The following LIPI variants were observed in gnomAD, a reference collection of about 807,000 sequenced individuals.
The protein encoded by LIPI is lipase member I.
A neutral mutation model predicts 50.6 loss-of-function variants in LIPI; 59 were observed. The ratio of observed to expected loss-of-function variants is 1.16; its 90% CI spans 0.94 to 1.45. The LOEUF (loss-of-function observed/expected upper bound fraction) is 1.45. Among genes scored for constraint, LIPI ranks in the 40% most tolerant of loss-of-function variants. The probability of loss-of-function intolerance (pLI) is 0.00; values close to 1 mark genes in which losing one functional copy is unlikely to be tolerated. For missense variants in LIPI, 586 were observed against 536.3 expected, an observed-to-expected ratio of 1.09 and a Z score of -0.92; for synonymous variants, 203 against 178.2, an observed-to-expected ratio of 1.14 and a Z score of -1.11.
At chr21:14,131,927 AG>A in intron 9 of LIPI, among the ~76,000 whole-genome samples, 1 of 152,340 alleles carries the variant, frequency 6.6e-6, no homozygotes, top group Admixed American at 6.5e-5. Context: ...TACATCCAAA[AG>A]CTTCAATAAG....
intron 1 of LIPI, among the ~76,000 whole-genome samples, chr21:14,194,871 T>G (rs1458688859): frequency 1.3e-5 from 2 of 152,164 alleles, no homozygotes; most frequent in Non-Finnish European, 2.9e-5. Context: ...AGAATCCAAT[T>G]CCTGTCATTA....
At chr21:14,184,088 A>T (rs1312501246) in intron 3 of LIPI, among the ~76,000 whole-genome samples, 1 of 152,230 alleles carries the variant, frequency 6.6e-6, no homozygotes, top group Non-Finnish European at 1.5e-5. Context: ...AATGTCCAAC[A>T]ACGATAGACC....
intron 1 of LIPI, among the ~76,000 whole-genome samples, chr21:14,193,370 A>ACTAAT (rs2019741100): frequency 6.6e-6 from 1 of 152,134 alleles, no homozygotes; most frequent in Non-Finnish European, 1.5e-5. Context: ...AACTAATAAC[A>ACTAAT]AAGTGGTAAA....
In LIPI at chr21:14,167,590, T is replaced by C. The variant is rs148486682; in HGVS notation, c.644-1139A>G. Among the ~76,000 whole-genome samples, 315 of 152,336 alleles carry C rather than the reference T, an allele frequency of 2.1e-3. 1 individual carries two copies. The highest frequency in any genetic ancestry group is 7.4e-3 in the African/African-American group (307 of 41,576). On this transcript the variant is annotated intron_variant, in intron 4 of 9. Transcript: ENST00000681601. The stretch of plus-strand genomic sequence containing the variant: ...ACTGTTCTGCAGCCACCACGGCTGA[T>C]ACCCAGGCAAACAGAGTCTGGAGTG...
At chr21:14,190,272 G>C (rs1170891696) in intron 1 of LIPI, among the ~76,000 whole-genome samples, 2 of 151,954 alleles carry the variant, frequency 1.3e-5, no homozygotes, top group Non-Finnish European at 2.9e-5. Flanking sequence ...AATGATGACT[G>C]CCTTTTGTTT....
intron 1 of LIPI, among the ~76,000 whole-genome samples, chr21:14,190,700 T>C (rs559868132): frequency 8.5e-5 from 13 of 152,316 alleles, no homozygotes; most frequent in Non-Finnish European, 1.8e-4. Context: ...GAAAAATTAT[T>C]TCATTTGTTG....
intron 7 of LIPI, among the ~76,000 whole-genome samples, chr21:14,159,265 C>T (rs1024279951): frequency 2.6e-5 from 4 of 151,276 alleles, no homozygotes; most frequent in East Asian, 1.9e-4. Context: ...AAAATATTAA[C>T]GAATGAAATT....
chr21:14,139,350 G>A (rs886744933), intron 9 of LIPI, among the ~76,000 whole-genome samples: 1 of 152,080 alleles, frequency 6.6e-6, no homozygotes, highest in African/African-American at 2.4e-5. Flanking sequence ...TACAGTTTGG[G>A]AAGAGATATA....
intron 9 of LIPI, among the ~76,000 whole-genome samples, chr21:14,127,705 A>C (rs1192411749): frequency 6.6e-6 from 1 of 152,136 alleles, no homozygotes; most frequent in Non-Finnish European, 1.5e-5. Flanking sequence ...TTTCCTTTAT[A>C]ATAAGTGGCT....
At chr21:14,210,029 GT>G (rs555347521) in intron 1 of LIPI, among the ~76,000 whole-genome samples, 36 of 151,736 alleles carry the variant, frequency 2.4e-4, no homozygotes, top group Non-Finnish European at 4.9e-4. Context: ...GTAATTTCTA[GT>G]TAATTTTAAA....
intron 2 of LIPI, 94 bp downstream of exon 2, chr21:14,188,940 T>C: frequency 9.5e-7 from 1 of 1,055,934 alleles, no homozygotes; most frequent in Non-Finnish European, 1.4e-6. Flanking sequence ...TAGTTTATTA[T>C]CACTTTGTGG....
chr21:14,191,085 A>C (rs2019653324), intron 1 of LIPI, among the ~76,000 whole-genome samples: 1 of 152,156 alleles, frequency 6.6e-6, no homozygotes, highest in Admixed American at 6.5e-5. Flanking sequence ...AGGAGTAAAA[A>C]ATACAAAAAT....
intron 9 of LIPI, chr21:14,144,307 A>G (rs983857094): frequency 6.5e-5 from 13 of 200,718 alleles, no homozygotes; most frequent in African/African-American, 1.4e-4. Flanking sequence ...CAGTCTGTTA[A>G]TATGTATGTA....
chr21:14,161,033 A>G (rs2018443131), intron 7 of LIPI, among the ~76,000 whole-genome samples: 1 of 151,286 alleles, frequency 6.6e-6, no homozygotes, highest in Non-Finnish European at 1.5e-5. Flanking sequence ...GGATAATGTA[A>G]AGTGGTACAG....
intron 7 of LIPI, among the ~76,000 whole-genome samples, chr21:14,162,522 A>G (rs1225813931): frequency 6.6e-6 from 1 of 151,746 alleles, no homozygotes; most frequent in African/African-American, 2.4e-5. Flanking sequence ...TCCTGCTACT[A>G]CTCTATGGCA....
At chr21:14,194,955 T>A (rs1479421386) in intron 1 of LIPI, among the ~76,000 whole-genome samples, 1 of 152,042 alleles carries the variant, frequency 6.6e-6, no homozygotes, top group Non-Finnish European at 1.5e-5. Flanking sequence ...GGGAAAAAAA[T>A]TTAGACACTG....
intron 9 of LIPI, among the ~76,000 whole-genome samples, chr21:14,123,374 G>A (rs1458370348): frequency 6.6e-6 from 1 of 152,152 alleles, no homozygotes; most frequent in African/African-American, 2.4e-5. Flanking sequence ...CACTACAAAT[G>A]TTTGGAGAGC....
intron 7 of LIPI, among the ~76,000 whole-genome samples, chr21:14,160,544 T>C (rs2018426187): frequency 6.6e-6 from 1 of 151,306 alleles, no homozygotes; most frequent in African/African-American, 2.4e-5. Flanking sequence ...CTATTATTTT[T>C]AGAAAAAATT....
rs991371597 is a variant in LIPI, at chr21:14,166,412, T to A, written c.683A>T (p.Tyr228Phe). Residue 228 changes from tyrosine (Y) to phenylalanine (F), a missense_variant, in exon 5 of 10, where the codon TAT becomes TTT. Coordinates refer to ENST00000681601, the MANE Select transcript of LIPI (RefSeq NM_001302998.2). Reference protein sequence around the residue: ...IQEPLGHIDFYPNGGNKQPGC... With the variant: ...IQEPLGHIDFFPNGGNKQPGC... ...AGGTTGTTTATTTCCTCCATTTGGATAAAAATCTATATGTCCCAAGGGCTC... is the reference window on the plus strand; with the variant it reads ...AGGTTGTTTATTTCCTCCATTTGGAAAAAAATCTATATGTCCCAAGGGCTC... 6.2e-7 allele frequency: 1 copy of A among 1,610,542 alleles called. No individual in the cohort carries two copies. The highest frequency in any genetic ancestry group is 8.5e-7 in the Non-Finnish European group (1 of 1,176,852).
Sources: gnomAD v4.1 joint callset for allele counts (sites outside exome capture counted in the v4.1 genomes callset) on GRCh38, gnomAD v4.1.1 for gene constraint, MANE v1.5 for transcripts, NCBI Gene and HGNC (gene_info 2026-07-23, HGNC 2026-07-21) for gene names.